CFHR5: variants seen among roughly 807,000 people sequenced by gnomAD.
CFHR5 encodes the protein complement factor H related 5, also known as complement factor H-related protein 5.
Under a neutral mutation model 62.9 loss-of-function variants are expected in CFHR5, and 73 were observed. That is an observed-to-expected ratio of 1.16 (90% CI 0.96 to 1.41). CFHR5 has a LOEUF of 1.41. CFHR5 is among the 40% of genes most tolerant of loss of function. CFHR5 has a pLI of 0.00. For synonymous variants in CFHR5, 249 were observed against 227.2 expected (o/e 1.10, Z -0.86); for missense variants, 779 against 679.9 (o/e 1.15, Z -1.62).
intron 7 of CFHR5, among the ~76,000 whole-genome samples, chr1:196,999,726 CACACACACATATATAT>C (rs1244884236): frequency 1.2e-3 from 85 of 68,662 alleles, no homozygotes; most frequent in South Asian, 8.8e-3. Flanking sequence ...TATATATACA[CACACACACATATATAT>C]ACACACACAT....
chr1:196,985,373 A>C (rs146066055), intron 3 of CFHR5, among the ~76,000 whole-genome samples: 3 of 152,296 alleles, frequency 2.0e-5, no homozygotes, highest in African/African-American at 7.2e-5. Flanking sequence ...AAGCAAAATG[A>C]AATTTAAACC....
At chr1:197,001,692 T>G (rs1280332127) in intron 7 of CFHR5, among the ~76,000 whole-genome samples, 1 of 138,030 alleles carries the variant, frequency 7.2e-6, no homozygotes. Flanking sequence ...CCTAATGCTA[T>G]CCCTCCCCCC....
Position 196,996,111 on chromosome 1 carries a change from G to A in CFHR5, c.880G>A (p.Glu294Lys), listed in dbSNP as rs201084185. The A allele has an allele frequency of 1.5e-4, 244 of 1,613,232 alleles. No homozygotes were observed. The highest frequency in any genetic ancestry group is 1.6e-4 in the Middle Eastern group (1 of 6,080). The change falls in exon 6 of 10, where the codon GAG (glutamate) becomes AAG (lysine). Residue 294 changes from glutamate to lysine, a missense_variant. By Grantham distance (56) the Glu-to-Lys change is moderately conservative. Transcript: ENST00000256785. ...TCCCTATCAACATGGAGTTTCAGTC[G>A]AGGTGAATTGCAGAAATGAATATGC... Reference protein sequence around the residue: ...VPPYQHGVSVEVNCRNEYAMI... With the variant: ...VPPYQHGVSVKVNCRNEYAMI...
At chr1:197,002,331 C>T in intron 7 of CFHR5, 151 bp from the exon 8 acceptor site, 1 of 578,708 alleles carries the variant, frequency 1.7e-6, no homozygotes, top group South Asian at 2.4e-5. Context: ...GTTATTATAA[C>T]ATTTATATAT....
chr1:196,993,880 T>TATA (rs1466842629), intron 3 of CFHR5, among the ~76,000 whole-genome samples, 200 bp from the exon 4 acceptor site: 1 of 152,190 alleles, frequency 6.6e-6, no homozygotes, highest in East Asian at 1.9e-4. Flanking sequence ...GTTACCTTGC[T>TATA]ATATACAGTT....
chr1:196,995,335 T>C (rs191151502), intron 4 of CFHR5, among the ~76,000 whole-genome samples: 10 of 127,576 alleles, frequency 7.8e-5, no homozygotes, highest in African/African-American at 2.3e-4. Flanking sequence ...AGATATTTTG[T>C]ATATGTAGGC....
intron 3 of CFHR5, among the ~76,000 whole-genome samples, chr1:196,988,346 T>C (rs1258052180): frequency 6.6e-6 from 1 of 152,168 alleles, no homozygotes; most frequent in Non-Finnish European, 1.5e-5. Context: ...CTTTTCCTAA[T>C]TGAATACCCT....
intron 7 of CFHR5, 52 bp downstream of exon 7, chr1:196,998,356 A>C: frequency 7.2e-7 from 1 of 1,387,550 alleles, no homozygotes; most frequent in East Asian, 2.4e-5. Context: ...TTACAAGAAA[A>C]ATTATTTTGA....
chr1:196,983,797 C>CAAAA (rs1653605255), intron 2 of CFHR5, among the ~76,000 whole-genome samples, 164 bp from the exon 3 acceptor site: 1 of 151,948 alleles, frequency 6.6e-6, no homozygotes, highest in Non-Finnish European at 1.5e-5. Context: ...TATATAGGAA[C>CAAAA]AAAAAATATA....
At chr1:196,984,204 TAAA>T in intron 3 of CFHR5, 67 bp downstream of exon 3, 1 of 1,313,832 alleles carries the variant, frequency 7.6e-7, no homozygotes, top group African/African-American at 1.5e-5. Context: ...GTTTATAGAT[TAAA>T]TATAGGTTAA....
At chr1:196,982,350 C>T (rs753408089) in intron 1 of CFHR5, among the ~76,000 whole-genome samples, 1 of 152,092 alleles carries the variant, frequency 6.6e-6, no homozygotes, top group Non-Finnish European at 1.5e-5. Context: ...TCATATCATT[C>T]CAAAATATAA....
At chr1:197,002,353 A>G (rs1368293639) in intron 7 of CFHR5, 129 bp from the exon 8 acceptor site, 1 of 649,782 alleles carries the variant, frequency 1.5e-6, no homozygotes, top group Non-Finnish European at 2.7e-6. Context: ...GGGAGAGAGA[A>G]AGAGAAAGTG....
Position 196,995,868 on chromosome 1 carries a change from T to G in CFHR5, c.759T>G (p.Asp253Glu), listed in dbSNP as rs140035708. ...GGCCTAAGAAAATACAATGTGTGGA[T>G]GGAGAATGGACAACTTTACCCACTT... ...INGPKKIQCV[D>E]GEWTTLPTCV... The change falls in exon 5 of 10, where the codon GAT (aspartate) becomes GAG (glutamate). Residue 253 changes from aspartate (D) to glutamate (E), a missense_variant. By Grantham distance (45) the Asp-to-Glu change is conservative. Coordinates refer to ENST00000256785, the MANE Select transcript of CFHR5 (RefSeq NM_030787.4). 6.8e-6 allele frequency: 11 copies of G among 1,613,258 alleles called. No homozygotes were observed. In the African/African-American group the frequency reaches 1.2e-4, roughly 18 times the overall value.
chr1:196,979,788 G>A (rs1378155699), intron 1 of CFHR5, among the ~76,000 whole-genome samples: 5 of 151,932 alleles, frequency 3.3e-5, no homozygotes, highest in Non-Finnish European at 2.9e-5. Context: ...ACATGGATAA[G>A]TTCTTTAGTG....
chr1:196,977,250 C>A (rs192683036), upstream of CFHR5, among the ~76,000 whole-genome samples: 10 of 150,854 alleles, frequency 6.6e-5, no homozygotes, highest in African/African-American at 2.4e-4. Context: ...GGACTGATGA[C>A]TTGCACTTGC....
chr1:196,978,458 C>G (rs1016333107), intron 1 of CFHR5, among the ~76,000 whole-genome samples: 1 of 151,968 alleles, frequency 6.6e-6, no homozygotes, highest in African/African-American at 2.4e-5. Flanking sequence ...TATGTGTGTA[C>G]GTGAAGTTTC....
intron 3 of CFHR5, among the ~76,000 whole-genome samples, chr1:196,991,430 TGGA>T (rs1229186797): frequency 1.3e-5 from 2 of 152,212 alleles, no homozygotes; most frequent in African/African-American, 4.8e-5. Context: ...TATGATCCTT[TGGA>T]GGAGAAGAGA....
At chr1:196,996,622 C>A (rs914797051) in intron 6 of CFHR5, among the ~76,000 whole-genome samples, 2 of 151,960 alleles carry the variant, frequency 1.3e-5, no homozygotes, top group Non-Finnish European at 2.9e-5. Flanking sequence ...TCTTTTATTT[C>A]ATTGCTTTAA....
chr1:196,992,204 G>A (rs1348091374), intron 3 of CFHR5, among the ~76,000 whole-genome samples: 4 of 152,156 alleles, frequency 2.6e-5, no homozygotes, highest in Non-Finnish European at 4.4e-5. Flanking sequence ...GCCAGGCACA[G>A]GATACAGTCT....
Sources: gnomAD v4.1 joint callset for allele counts (sites outside exome capture counted in the v4.1 genomes callset) on GRCh38, gnomAD v4.1.1 for gene constraint, MANE v1.5 for transcripts, NCBI Gene and HGNC (gene_info 2026-07-23, HGNC 2026-07-21) for gene names.